TTC19: variants seen among roughly 807,000 people sequenced by gnomAD.
TTC19 encodes the protein tetratricopeptide repeat protein 19, mitochondrial.
TTC19 carries 38 observed loss-of-function variants against 49.5 expected under a neutral mutation model. The ratio of observed to expected loss-of-function variants is 0.77; its 90% CI spans 0.59 to 1.01. TTC19 has a LOEUF of 1.01. Among genes scored for constraint, TTC19 ranks in the 50% least tolerant of loss-of-function variants. TTC19 has a pLI of 0.00. For synonymous variants in TTC19, 204 were observed against 185.2 expected, an observed-to-expected ratio of 1.10 and a Z score of -0.83; for missense variants, 475 against 477.7, an observed-to-expected ratio of 0.99 and a Z score of 0.05.
At chr17:16,021,100 A>T (rs1170401574) in intron 7 of TTC19, among the ~76,000 whole-genome samples, 2 of 152,198 alleles carry the variant, frequency 1.3e-5, no homozygotes, top group Non-Finnish European at 2.9e-5. Flanking sequence ...TAAATAAAAG[A>T]AAGTTGGCTG....
chr17:16,008,807 A>G (rs762010454), intron 7 of TTC19, among the ~76,000 whole-genome samples: 2 of 152,100 alleles, frequency 1.3e-5, no homozygotes, highest in Non-Finnish European at 2.9e-5. Context: ...CTCTGCTCAA[A>G]TAGCACTTCC....
chr17:16,021,950 G>T (rs535432534), intron 7 of TTC19, among the ~76,000 whole-genome samples: 2 of 152,144 alleles, frequency 1.3e-5, no homozygotes, highest in Admixed American at 1.3e-4. Context: ...AATTTACAGG[G>T]TAGTCATTTT....
At chr17:16,021,615 C>T (rs1330072505) in intron 7 of TTC19, among the ~76,000 whole-genome samples, 1 of 151,958 alleles carries the variant, frequency 6.6e-6, no homozygotes, top group Non-Finnish European at 1.5e-5. Flanking sequence ...AGAGAATAGG[C>T]CAAGTGGCTA....
downstream of TTC19, chr17:16,031,870 A>T (rs1972066917): frequency 4.3e-6 from 1 of 234,656 alleles, no homozygotes; most frequent in Non-Finnish European, 8.4e-6. Context: ...AGACAAAAAG[A>T]TTTTTAAAAA....
intron 2 of TTC19, among the ~76,000 whole-genome samples, chr17:16,043,848 G>A (rs1233788522): frequency 2.0e-5 from 3 of 152,196 alleles, no homozygotes; most frequent in African/African-American, 7.2e-5. Context: ...GTTGAAGACT[G>A]GAGACAGAAA....
chr17:16,027,220 C>T (rs1971590071), intron 9 of TTC19, 154 bp from the exon 10 acceptor site: 3 of 851,330 alleles, frequency 3.5e-6, no homozygotes, highest in Non-Finnish European at 3.8e-6. Flanking sequence ...GGAGTTCCAG[C>T]CTGTCAGATG....
intron 7 of TTC19, among the ~76,000 whole-genome samples, chr17:16,015,255 C>CA (rs1281273790): frequency 6.6e-6 from 1 of 150,996 alleles, no homozygotes; most frequent in Non-Finnish European, 1.5e-5. Flanking sequence ...TCTCCGGCAG[C>CA]TTTTTTTTTC....
rs746325259 is a variant in TTC19 at position 16,041,774 on chromosome 17, C to T, written c.248-2729C>T. Reference sequence around the variant, plus strand: ...ATTTTTAAGACGGAGTCTCACTCTGCCGCCCAGGCTGGAGTGCAGCGGTGC... The same window carrying T: ...ATTTTTAAGACGGAGTCTCACTCTGTCGCCCAGGCTGGAGTGCAGCGGTGC... On this transcript the variant is annotated intron_variant, in intron 2 of 2. Transcript: ENST00000470649. Among the ~76,000 whole-genome samples, 68 of 147,154 alleles carry T rather than the reference C, an allele frequency of 4.6e-4. 2 individuals carry two copies. Among genetic ancestry groups the T allele is most frequent in the Non-Finnish European group, 5.0e-4 (33 of 66,596 alleles).
At chr17:16,019,728 T>G (rs1339312830) in intron 7 of TTC19, among the ~76,000 whole-genome samples, 1 of 152,212 alleles carries the variant, frequency 6.6e-6, no homozygotes, top group Admixed American at 6.5e-5. Context: ...TTATTCTATA[T>G]GTTTTGCTGT....
Position 16,029,102 on chromosome 17 carries a change from C to T in TTC19, c.*1580C>T, listed in dbSNP as rs572773582. On this transcript the variant is annotated 3_prime_UTR_variant, in exon 10 of 10. Transcript: ENST00000261647. ...TAAAAAAATTAATGTCAACCACTCA[C>T]CTTTTGCATTGAGAATGTTTTTACC... The T allele has an allele frequency of 4.5e-6, 2 of 445,566 alleles. No individual in the cohort carries two copies. The highest frequency in any genetic ancestry group is 1.4e-4 in the East Asian group (2 of 14,384). The allele number at this position is 445,566 out of a possible 1,614,324, so 27.6% of individuals were successfully genotyped here. A position where few individuals can be genotyped will look rare whatever the true frequency, so the allele number is the denominator to read the frequency against.
chr17:16,015,280 A>G (rs1164487267), intron 7 of TTC19, among the ~76,000 whole-genome samples: 1 of 152,028 alleles, frequency 6.6e-6, no homozygotes, highest in East Asian at 1.9e-4. Context: ...TTGATTACTC[A>G]TGTATTTCTT....
At chr17:16,015,255 CT>C (rs948049283) in intron 7 of TTC19, among the ~76,000 whole-genome samples, 5 of 150,992 alleles carry the variant, frequency 3.3e-5, no homozygotes, top group African/African-American at 7.3e-5. Flanking sequence ...TCTCCGGCAG[CT>C]TTTTTTTTCC....
chr17:16,041,563 C>CGTGT (rs1597698815), intron 2 of TTC19, among the ~76,000 whole-genome samples: 2 of 150,408 alleles, frequency 1.3e-5, no homozygotes, highest in East Asian at 3.9e-4. Context: ...ATAGGCCCCC[C>CGTGT]GCCACCATGC....
intron 2 of TTC19, among the ~76,000 whole-genome samples, chr17:16,038,244 A>G (rs1216248502): frequency 6.6e-6 from 1 of 152,224 alleles, no homozygotes; most frequent in Non-Finnish European, 1.5e-5. Flanking sequence ...AAAAGGTTGT[A>G]AGATTAAAGC....
chr17:16,024,546 C>T (rs1340976730), intron 7 of TTC19: 1 of 169,538 alleles, frequency 5.9e-6, no homozygotes, highest in Non-Finnish European at 1.3e-5. Flanking sequence ...ACCTTGTGAT[C>T]CACCCGCCTC....
At chr17:16,040,311 A>AT in intron 2 of TTC19, 2 of 799,738 alleles carry the variant, frequency 2.5e-6, no homozygotes, top group Non-Finnish European at 4.3e-6. Context: ...CCTTCACTAA[A>AT]TTATTTATTT....
At chr17:16,004,142 A>G in intron 5 of TTC19, 59 bp from the exon 6 acceptor site, 1 of 1,526,402 alleles carries the variant, frequency 6.6e-7, no homozygotes, top group Non-Finnish European at 9.1e-7. Context: ...AGTTGATCTG[A>G]AATATGCCAT....
rs773904382 is a variant in TTC19, at chr17:16,025,133, C to T, written c.793C>T (p.Gln265Ter). ...ACAAAGGATGTATGAAAAAGCTCTG[C>T]AGATTTCTGAAGAAATACAAGGAGA... ...QAQRMYEKAL[Q>*]ISEEIQGERH... Residue 265 changes from glutamine to a stop codon, truncating the protein, a stop_gained, in exon 8 of 10, where the codon CAG becomes TAG. Transcript: ENST00000261647. LOFTEE classifies it high-confidence loss of function. 3.1e-6 allele frequency: 5 copies of T among 1,613,926 alleles called. No homozygotes were observed. The highest frequency in any genetic ancestry group is 3.3e-5 in the Admixed American group (2 of 59,996).
At chr17:16,000,054 G>A in intron 1 of TTC19, 22 bp downstream of exon 1, 1 of 1,286,836 alleles carries the variant, frequency 7.8e-7, no homozygotes, top group Non-Finnish European at 9.8e-7. Context: ...GGGCCGGGCG[G>A]GGCCGGCCGG....
Sources: allele counts gnomAD v4.1 joint callset (sites outside exome capture counted in the v4.1 genomes callset), GRCh38; gene constraint gnomAD v4.1.1; transcripts MANE v1.5; gene names NCBI Gene and HGNC (gene_info 2026-07-23, HGNC 2026-07-21).